The following ZNF630 variants were observed in gnomAD, a reference collection of about 807,000 sequenced individuals.
ZNF630 encodes the protein dJ54B20.2 (novel KRAB box containing C2H2 type zinc finger protein).
ZNF630 carries 5 observed loss-of-function variants against 7.2 expected under a neutral mutation model. The observed-to-expected ratio is 0.70, with a 90% confidence interval of 0.36 to 1.46. The LOEUF is 1.46. Ranked by LOEUF, ZNF630 falls within the 40% of genes most tolerant of loss-of-function variation. ZNF630 has a pLI of 0.03. For missense variants in ZNF630, 461 were observed against 477.0 expected (o/e 0.97, Z 0.31); for synonymous variants, 158 against 162.8 (o/e 0.97, Z 0.23).
chrX:48,068,261 GAGGAAGGAAGGAAGGA>G (rs57262250), intron 1 of ZNF630, among the ~76,000 whole-genome samples: 55 of 93,251 alleles, frequency 5.9e-4, no homozygotes, highest in Non-Finnish European at 8.9e-4. Flanking sequence ...GGGAGGGAGA[GAGGAAGGAAGGAAGGA>G]AGGAAGGAAG....
chrX:48,062,059 A>AT (rs2059107757), intron 2 of ZNF630, among the ~76,000 whole-genome samples: 1 of 111,799 alleles, frequency 8.9e-6, no homozygotes, highest in African/African-American at 3.3e-5. Flanking sequence ...TTTCCCTTAC[A>AT]TATTATCAAA....
In ZNF630 at chrX:48,060,483, T is replaced by C; in HGVS notation, c.205A>G (p.Ile69Val). 1 of 1,207,462 alleles carries C rather than the reference T, an allele frequency of 8.3e-7. No homozygotes were observed. The highest frequency in any genetic ancestry group is 1.1e-6 in the Non-Finnish European group (1 of 892,604). Residue 69 changes from isoleucine to valine, a missense_variant, in exon 4 of 5, where the codon ATA becomes GTA. Physicochemically the swap from Ile to Val is conservative, Grantham distance 29. Coordinates refer to ENST00000276054, the MANE Select transcript of ZNF630 (RefSeq NM_001282201.2). ...KLEHGKDPWI[I>V]ESELSRWIYP... ...ATCCACCTTGACAACTCACTCTCTA[T>C]GATCCATGGGTCCTTTCCATGTTCC...
chrX:48,065,940 T>C (rs782649157), intron 2 of ZNF630, among the ~76,000 whole-genome samples: 1 of 111,442 alleles, frequency 9.0e-6, no homozygotes, highest in South Asian at 3.7e-4. Context: ...GAAAGATAGA[T>C]AAAACAAGCT....
Position 48,060,524 on chromosome X carries a change from T to A in ZNF630, c.164A>T (p.Asp55Val). The A allele has an allele frequency of 1.7e-6, 2 of 1,204,973 alleles. No homozygotes were observed. The highest frequency in any genetic ancestry group is 3.5e-5 in the South Asian group (2 of 56,517). Residue 55 changes from aspartate to valine, a missense_variant, in exon 4 of 5, where the codon GAT becomes GTT. Asp to Val is a radical substitution (Grantham distance 152). Coordinates refer to ENST00000276054, the MANE Select transcript of ZNF630 (RefSeq NM_001282201.2). ...VSVGCSGIKP[D>V]VIFKLEHGKD... The stretch of plus-strand genomic sequence containing the variant: ...TCCATGTTCCAACTTAAAGATTACA[T>A]CTGGTTTTATACCTGAACACCCTGT...
In ZNF630 at chrX:48,059,266, T is replaced by C; in HGVS notation, c.1176A>G (p.Ile392Met). ...KAFCEMSHLF[I>M]HQITHTGKKP... ...TCTTCCCAGTATGAGTTATCTGGTG[T>C]ATAAAAAGGTGAGACATCTCACAGA... The change falls in exon 5 of 5, where the codon ATA becomes ATG. Residue 392 changes from isoleucine to methionine, a missense_variant. Ile to Met is a conservative substitution (Grantham distance 10). Transcript: ENST00000276054. The C allele has an allele frequency of 1.7e-6, 2 of 1,208,363 alleles. No individual in the cohort carries two copies. The highest frequency in any genetic ancestry group is 2.2e-6 in the Non-Finnish European group (2 of 893,150).
chrX:48,058,483 G>A lies in ZNF630; in HGVS notation c.1959C>T (p.Thr653=). 2 of 1,178,447 alleles carry A rather than the reference G, an allele frequency of 1.7e-6. No homozygotes were observed. Among genetic ancestry groups the A allele is most frequent in the Non-Finnish European group, 2.3e-6 (2 of 880,232 alleles). ...TGHQNPYRKD[T]LYIC is the part of the protein sequence containing the mutation. ...CTTCCCACAATCAGCATATATACAA[G>A]GTGTCTTTCCTATATGGATTCTGAT... Residue 653 remains threonine (T), a synonymous_variant, in exon 5 of 5, where the codon ACC becomes ACT. Coordinates refer to ENST00000276054, the MANE Select transcript of ZNF630 (RefSeq NM_001282201.2).
intron 1 of ZNF630, among the ~76,000 whole-genome samples, chrX:48,070,611 TAAAAAAAAA>T (rs782104749): frequency 7.6e-5 from 5 of 65,905 alleles, no homozygotes; most frequent in East Asian, 5.6e-4. Flanking sequence ...AGACTTCGTC[TAAAAAAAAA>T]AAAAAAAAAA....
intron 2 of ZNF630, among the ~76,000 whole-genome samples, chrX:48,065,589 A>G (rs1282033453): frequency 1.8e-5 from 2 of 108,818 alleles, no homozygotes; most frequent in Non-Finnish European, 3.8e-5. Context: ...AGACTGAGGC[A>G]GGAGAATCGC....
chrX:48,059,372 G>A lies in ZNF630; in HGVS notation c.1070C>T (p.Ser357Phe), dbSNP rs782804164. The A allele has an allele frequency of 6.6e-6, 8 of 1,206,065 alleles. No homozygotes were observed. The African/African-American group carries it at 1.2e-4, about 19-fold the overall frequency. The stretch of plus-strand genomic sequence containing the variant: ...ATGTATAATTAGATGTGACTTCTGG[G>A]AGAAAGCTTTTGGACACTCAAAACA... ...YECFECPKAFSQKSHLIIHQR... is the reference protein window; with the variant it reads ...YECFECPKAFFQKSHLIIHQR... Residue 357 changes from serine (S) to phenylalanine (F), a missense_variant, in exon 5 of 5, where the codon TCC (serine) becomes TTC (phenylalanine). Ser to Phe is a radical substitution (Grantham distance 155, BLOSUM62 -2). Coordinates refer to ENST00000276054, the MANE Select transcript of ZNF630 (RefSeq NM_001282201.2).
In ZNF630 at chrX:48,064,454, A is replaced by G. The variant is rs1014529601; in HGVS notation, c.15+2418T>C. The stretch of plus-strand genomic sequence containing the variant: ...ATCATGTGTTTTTCAATGGCCCACA[A>G]GCTAAACTGGTTTTACACGTTTTCT... On this transcript the variant is annotated intron_variant, in intron 2 of 4. Transcript: ENST00000276054. Among the ~76,000 whole-genome samples the G allele has an allele frequency of 4.9e-4, 54 of 111,267 alleles. 1 individual carries two copies. Among genetic ancestry groups the G allele is most frequent in the African/African-American group, 1.8e-3 (54 of 30,488 alleles).
intron 4 of ZNF630, 114 bp from the exon 5 acceptor site, chrX:48,060,317 G>C: frequency 1.0e-6 from 1 of 974,193 alleles, no homozygotes; most frequent in Non-Finnish European, 1.4e-6. Context: ...GAGGTACTAG[G>C]AAGGTGGCTG....
At chrX:48,070,369 G>A (rs1373373780) in intron 1 of ZNF630, among the ~76,000 whole-genome samples, 3 of 107,808 alleles carry the variant, frequency 2.8e-5, no homozygotes, top group African/African-American at 1.0e-4. Context: ...CCAGCACTTT[G>A]GGAGGCCGAG....
At chrX:48,062,797 G>A (rs782120574) in intron 2 of ZNF630, among the ~76,000 whole-genome samples, 4 of 110,311 alleles carry the variant, frequency 3.6e-5, no homozygotes, top group Non-Finnish European at 5.7e-5. Context: ...AAAATTAGCC[G>A]GGTGTGGTGG....
Position 48,058,364 on chromosome X carries a change from C to T in ZNF630, c.*104G>A, listed in dbSNP as rs2059079348. ...AAGGGTAATCATGTATACTGAGGAA[C>T]ATATTAGTCTATTCTACAGTTGAGA... On this transcript the variant is annotated 3_prime_UTR_variant, in exon 5 of 5. Transcript: ENST00000276054. 3.7e-6 allele frequency: 3 copies of T among 801,976 alleles called. No individual in the cohort carries two copies. Among genetic ancestry groups the T allele is most frequent in the East Asian group, 3.3e-5 (1 of 30,332 alleles). The allele number at this position is 801,976 out of a possible 1,213,427, so 66.1% of individuals were successfully genotyped here. A position where few individuals can be genotyped will look rare whatever the true frequency, so the allele number is the denominator to read the frequency against.
chrX:48,061,157 G>T (rs868915713), intron 2 of ZNF630, among the ~76,000 whole-genome samples: 1 of 111,050 alleles, frequency 9.0e-6, no homozygotes, highest in East Asian at 2.8e-4. Flanking sequence ...AATAAAGGTA[G>T]CATTTTAAAC....
intron 2 of ZNF630, 73 bp from the exon 3 acceptor site, chrX:48,061,018 A>G: frequency 2.1e-6 from 2 of 970,719 alleles, no homozygotes; most frequent in Non-Finnish European, 2.8e-6. Context: ...TAGGATGCCT[A>G]CTTTGCACTT....
In ZNF630 at chrX:48,065,075, C is replaced by T. The variant is rs984912282; in HGVS notation, c.15+1797G>A. 2.3e-4 allele frequency among the ~76,000 whole-genome samples: 26 copies of T among 111,944 alleles called. 1 individual carries two copies. The highest frequency in any genetic ancestry group is 7.2e-4 in the African/African-American group (22 of 30,656). ...TACTTGAAAATTACAATTTACCAAA[C>T]CAGACATAAAAAGAAATAGAAAATC... On this transcript the variant is annotated intron_variant, in intron 2 of 4. Coordinates refer to ENST00000276054, the MANE Select transcript of ZNF630 (RefSeq NM_001282201.2).
rs1556908114 is a variant in ZNF630, at chrX:48,058,225, C to T, written c.*243G>A. On this transcript the variant is annotated 3_prime_UTR_variant, in exon 5 of 5. Transcript: ENST00000276054. ...AAACAACACCAAAGTAGTGCTAATT[C>T]TTCCAGATACATTTATTCTGTGAAG... is the stretch of plus-strand genomic sequence containing the variant. 1 of 290,966 alleles carries T rather than the reference C, an allele frequency of 3.4e-6. No individual in the cohort carries two copies. Among genetic ancestry groups the T allele is most frequent in the African/African-American group, 2.8e-5 (1 of 36,077 alleles). 24.0% of individuals were successfully genotyped at this position (290,966 alleles called of 1,213,427 possible). A position where few individuals can be genotyped will look rare whatever the true frequency, so the allele number is the denominator to read the frequency against.
intron 1 of ZNF630, among the ~76,000 whole-genome samples, chrX:48,069,873 T>C (rs1368238634): frequency 1.3e-4 from 14 of 105,261 alleles, no homozygotes; most frequent in African/African-American, 4.8e-4. Flanking sequence ...GTTTTTTGTT[T>C]TTGAGATGGA....
Sources: gnomAD v4.1 joint callset for allele counts (sites outside exome capture counted in the v4.1 genomes callset) on GRCh38, gnomAD v4.1.1 for gene constraint, MANE v1.5 for transcripts, NCBI Gene and HGNC (gene_info 2026-07-23, HGNC 2026-07-21) for gene names.